Variants in ZNF503 observed in about 807,000 individuals in gnomAD.
ZNF503 encodes the protein zinc finger protein 503, also known as NocA-like zinc finger 2.
In ZNF503, 15 loss-of-function variants were observed where a neutral mutation model predicts 34.4. That is an observed-to-expected ratio of 0.44 (90% CI 0.29 to 0.67). ZNF503 has a LOEUF of 0.67. Ranked by LOEUF, ZNF503 falls within the 30% of genes least tolerant of loss-of-function variation. The probability of loss-of-function intolerance (pLI) is 0.13; values close to 1 mark genes in which losing one functional copy is unlikely to be tolerated. For synonymous variants in ZNF503, 580 were observed against 456.8 expected (o/e 1.27, Z -3.44); for missense variants, 1,007 against 926.8 (o/e 1.09, Z -1.12).
the ZNF503 span, among the ~76,000 whole-genome samples, chr10:75,312,869 G>A: frequency 4.6e-5 from 7 of 152,284 alleles, no homozygotes; most frequent in South Asian, 1.2e-3. Flanking sequence ...ATGTGTCAAG[G>A]GTATGGCCAG....
the ZNF503 span, among the ~76,000 whole-genome samples, chr10:75,383,290 T>G: frequency 6.6e-6 from 1 of 152,208 alleles, no homozygotes; most frequent in East Asian, 1.9e-4. Flanking sequence ...CAGAATTTTC[T>G]GAGCAGAAAA....
intron 1 of ZNF503, among the ~76,000 whole-genome samples, chr10:75,400,726 A>C (rs1843788209): frequency 6.6e-6 from 1 of 152,208 alleles, no homozygotes; most frequent in Non-Finnish European, 1.5e-5. Context: ...CTTCAGAGTA[A>C]GGGCTCGGGC....
chr10:75,284,838 A>AC, the ZNF503 span, among the ~76,000 whole-genome samples: 2 of 152,214 alleles, frequency 1.3e-5, no homozygotes, highest in Admixed American at 6.5e-5. Flanking sequence ...GGTTATTTTA[A>AC]ACAGAGAATG....
rs1387678217 is a variant in ZNF503, at chr10:75,401,413, T to C, written c.7A>G (p.Thr3Ala). The C allele has an allele frequency of 3.9e-6, 6 of 1,537,440 alleles. No homozygotes were observed. Among genetic ancestry groups the C allele is most frequent in the Non-Finnish European group, 5.2e-6 (6 of 1,146,132 alleles). ...CTTAGGGCAGAAAGCGAGGGCGCTG[T>C]GCTCATGACCCACCCGCGCGCATGG... MS[T>A]APSLSALRSS... is the part of the protein sequence containing the mutation. The change falls in exon 1 of 2, where the codon ACA (threonine) becomes GCA (alanine). Residue 3 changes from threonine to alanine, a missense_variant. By Grantham distance (58) the Thr-to-Ala change is moderately conservative. Coordinates refer to ENST00000372524, the MANE Select transcript of ZNF503 (RefSeq NM_032772.6).
the ZNF503 span, among the ~76,000 whole-genome samples, chr10:75,342,566 G>A: frequency 6.6e-6 from 1 of 152,002 alleles, no homozygotes; most frequent in Non-Finnish European, 1.5e-5. Context: ...TGATGGCCCA[G>A]TGACCACAGC....
chr10:75,290,083 G>A, the ZNF503 span, among the ~76,000 whole-genome samples: 1 of 152,166 alleles, frequency 6.6e-6, no homozygotes, highest in Admixed American at 6.5e-5. Flanking sequence ...CCACCTGGAA[G>A]TGGAACCGTG....
At chr10:75,344,168 G>A in the ZNF503 span, among the ~76,000 whole-genome samples, 2 of 152,214 alleles carry the variant, frequency 1.3e-5, no homozygotes, top group African/African-American at 4.8e-5. Context: ...CCTTGGGTGG[G>A]CCCTTCTTGT....
At chr10:75,321,813 A>G in the ZNF503 span, among the ~76,000 whole-genome samples, 40 of 152,330 alleles carry the variant, frequency 2.6e-4, no homozygotes, top group African/African-American at 7.2e-4. Context: ...AAGCATATTT[A>G]AAAGGGAAAC....
At chr10:75,389,442 C>T in the ZNF503 span, among the ~76,000 whole-genome samples, 1 of 152,146 alleles carries the variant, frequency 6.6e-6, no homozygotes, top group Non-Finnish European at 1.5e-5. Flanking sequence ...AAAAGTCGCT[C>T]ACATGGGCCA....
the ZNF503 span, among the ~76,000 whole-genome samples, chr10:75,347,690 T>C: frequency 6.6e-6 from 1 of 152,238 alleles, no homozygotes; most frequent in Non-Finnish European, 1.5e-5. Flanking sequence ...TGAAGGATGG[T>C]TTATGATGAT....
chr10:75,383,235 C>T, the ZNF503 span, among the ~76,000 whole-genome samples: 1 of 152,180 alleles, frequency 6.6e-6, no homozygotes, highest in Non-Finnish European at 1.5e-5. Context: ...ACACACCTTG[C>T]AGCCTCTTGA....
the ZNF503 span, among the ~76,000 whole-genome samples, chr10:75,364,381 T>G: frequency 3.9e-5 from 6 of 152,164 alleles, no homozygotes; most frequent in African/African-American, 1.4e-4. Context: ...TTCTATTTTT[T>G]TTTCCTTGAT....
the ZNF503 span, among the ~76,000 whole-genome samples, chr10:75,322,799 C>T: frequency 6.6e-6 from 1 of 152,314 alleles, no homozygotes; most frequent in South Asian, 2.1e-4. Flanking sequence ...TGTATCATGC[C>T]ACTGCACTCT....
chr10:75,376,123 T>C, the ZNF503 span, among the ~76,000 whole-genome samples: 1 of 152,174 alleles, frequency 6.6e-6, no homozygotes. Context: ...CTTTGCTCAC[T>C]TGCTCTTAAG....
the ZNF503 span, among the ~76,000 whole-genome samples, chr10:75,388,977 G>C: frequency 6.6e-6 from 1 of 152,172 alleles, no homozygotes; most frequent in South Asian, 2.1e-4. Context: ...AGGGGCCACA[G>C]CTTTCATTAA....
chr10:75,366,469 G>A, the ZNF503 span, among the ~76,000 whole-genome samples: 11 of 152,324 alleles, frequency 7.2e-5, no homozygotes, highest in East Asian at 1.4e-3. Context: ...AAAGGTAGGC[G>A]ACCTGACTTT....
At chr10:75,377,825 A>G in the ZNF503 span, among the ~76,000 whole-genome samples, 1 of 152,194 alleles carries the variant, frequency 6.6e-6, no homozygotes, top group African/African-American at 2.4e-5. Context: ...AGAAATGCCT[A>G]AGAGTGGGTA....
the ZNF503 span, among the ~76,000 whole-genome samples, chr10:75,281,558 C>G: frequency 6.6e-6 from 1 of 152,134 alleles, no homozygotes; most frequent in African/African-American, 2.4e-5. Flanking sequence ...CTGTCATGCC[C>G]CAGCTGCAGA....
the ZNF503 span, among the ~76,000 whole-genome samples, chr10:75,341,493 T>C: frequency 6.6e-6 from 1 of 152,220 alleles, no homozygotes; most frequent in Non-Finnish European, 1.5e-5. Flanking sequence ...CATTTATGTC[T>C]TTCTCTTCAC....
Sources: gnomAD v4.1 joint callset for allele counts (sites outside exome capture counted in the v4.1 genomes callset) on GRCh38, gnomAD v4.1.1 for gene constraint, MANE v1.5 for transcripts, NCBI Gene and HGNC (gene_info 2026-07-23, HGNC 2026-07-21) for gene names.